PACRG: variants seen among roughly 807,000 people sequenced by gnomAD.
PACRG encodes parkin coregulated, also known as parkin coregulated gene protein.
PACRG carries 29 observed loss-of-function variants against 29.7 expected under a neutral mutation model. The ratio of observed to expected loss-of-function variants is 0.98; its 90% CI spans 0.73 to 1.33. The LOEUF (loss-of-function observed/expected upper bound fraction) is 1.33, where lower values mean the gene tolerates loss of function less well. Among genes scored for constraint, PACRG ranks in the 40% most tolerant of loss-of-function variants. PACRG has a pLI of 0.00. For synonymous variants in PACRG, 116 were observed against 118.7 expected (o/e 0.98, Z 0.15); for missense variants, 279 against 316.2 (o/e 0.88, Z 0.89).
chr6:162,927,931 T>A (rs1246324121), intron 2 of PACRG, among the ~76,000 whole-genome samples: 1 of 152,110 alleles, frequency 6.6e-6, no homozygotes, highest in Non-Finnish European at 1.5e-5. Flanking sequence ...AGTATTTTGT[T>A]GATGAATTTA....
chr6:162,934,468 A>G (rs1798095010), intron 2 of PACRG, among the ~76,000 whole-genome samples: 1 of 152,128 alleles, frequency 6.6e-6, no homozygotes, highest in South Asian at 2.1e-4. Flanking sequence ...TCTCTTTCAG[A>G]AAGTCTGTTT....
At chr6:163,054,915 G>A (rs1216605698) in intron 2 of PACRG, among the ~76,000 whole-genome samples, 3 of 152,166 alleles carry the variant, frequency 2.0e-5, no homozygotes, top group African/African-American at 4.8e-5. Context: ...CAGAACCAGC[G>A]AGGTCAGGCC....
intron 4 of PACRG, among the ~76,000 whole-genome samples, chr6:163,308,529 C>T (rs1785277386): frequency 6.6e-6 from 1 of 151,938 alleles, no homozygotes; most frequent in Admixed American, 6.6e-5. Context: ...AGCTGGGCAT[C>T]GTGATGCACA....
chr6:162,903,891 C>G (rs996388246), intron 2 of PACRG, among the ~76,000 whole-genome samples: 20 of 152,158 alleles, frequency 1.3e-4, no homozygotes, highest in African/African-American at 4.1e-4. Context: ...TCCAGAGAAA[C>G]AGAACCAATA....
intron 2 of PACRG, among the ~76,000 whole-genome samples, chr6:162,962,459 G>T (rs1184370734): frequency 6.6e-6 from 1 of 152,190 alleles, no homozygotes; most frequent in East Asian, 1.9e-4. Context: ...ACACCTTGAA[G>T]CCCCAAACCC....
chr6:162,851,031 A>G (rs1790812864), intron 2 of PACRG, among the ~76,000 whole-genome samples: 1 of 152,164 alleles, frequency 6.6e-6, no homozygotes, highest in African/African-American at 2.4e-5. Context: ...TGGTGGGGAA[A>G]TCCCCCACAC....
intron 4 of PACRG, among the ~76,000 whole-genome samples, chr6:163,291,756 C>A (rs1784618309): frequency 6.6e-6 from 1 of 152,158 alleles, no homozygotes; most frequent in East Asian, 1.9e-4. Flanking sequence ...GATCAAGGCA[C>A]CTTCACAGAT....
intron 4 of PACRG, among the ~76,000 whole-genome samples, chr6:163,154,321 G>A (rs1778226903): frequency 6.6e-6 from 1 of 152,238 alleles, no homozygotes; most frequent in South Asian, 2.1e-4. Context: ...GGAATGATGA[G>A]GAAAATGGCC....
chr6:162,765,192 A>C (rs1040287212), intron 1 of PACRG, among the ~76,000 whole-genome samples: 4 of 151,988 alleles, frequency 2.6e-5, no homozygotes, highest in African/African-American at 9.7e-5. Flanking sequence ...CCTGAATATT[A>C]GTCCTATCTG....
intron 4 of PACRG, among the ~76,000 whole-genome samples, chr6:163,192,577 T>C (rs1001490): frequency 0.074 from 11,239 of 152,268 alleles, 1,278 homozygotes; most frequent in African/African-American, 0.25. Context: ...TCTATTGCCT[T>C]ATTTTTAAAC....
chr6:163,197,133 C>T (rs924635287), intron 4 of PACRG, among the ~76,000 whole-genome samples: 1 of 151,952 alleles, frequency 6.6e-6, no homozygotes, highest in Non-Finnish European at 1.5e-5. Context: ...CTTTTTTCTG[C>T]CAGGAAAAAA....
intron 2 of PACRG, among the ~76,000 whole-genome samples, chr6:162,854,817 G>T (rs1791233731): frequency 6.6e-6 from 1 of 152,194 alleles, no homozygotes; most frequent in South Asian, 2.1e-4. Context: ...GCCCCACTTC[G>T]CTGGTTTTAG....
intron 2 of PACRG, among the ~76,000 whole-genome samples, chr6:162,894,346 A>G (rs7770378): frequency 0.18 from 27,543 of 152,224 alleles, 2,529 homozygotes; most frequent in Middle Eastern, 0.21. Context: ...TCTCTAAAAA[A>G]TTATAGTTTG....
chr6:163,067,090 G>A (rs1299000570), intron 3 of PACRG, among the ~76,000 whole-genome samples: 1 of 152,194 alleles, frequency 6.6e-6, no homozygotes, highest in Non-Finnish European at 1.5e-5. Flanking sequence ...CCTGACCTTT[G>A]ACTTTAAGAT....
intron 4 of PACRG, among the ~76,000 whole-genome samples, chr6:163,257,447 G>A (rs1333465831): frequency 2.0e-5 from 3 of 152,166 alleles, no homozygotes; most frequent in Admixed American, 6.5e-5. Context: ...GACTAATTAC[G>A]TAAGACACAG....
At chr6:162,829,820 C>T (rs1485986535) in intron 2 of PACRG, among the ~76,000 whole-genome samples, 1 of 152,120 alleles carries the variant, frequency 6.6e-6, no homozygotes, top group Non-Finnish European at 1.5e-5. Context: ...GAACTTCCTG[C>T]TTCTTCCATT....
chr6:162,811,532 A>G (rs1277556383), intron 1 of PACRG, among the ~76,000 whole-genome samples: 1 of 152,198 alleles, frequency 6.6e-6, no homozygotes, highest in Non-Finnish European at 1.5e-5. Context: ...TAAAAATCAC[A>G]GAAGCATATT....
intron 4 of PACRG, among the ~76,000 whole-genome samples, chr6:163,180,413 T>G (rs924199987): frequency 6.6e-6 from 1 of 152,186 alleles, no homozygotes; most frequent in South Asian, 2.1e-4. Flanking sequence ...GCATAGGTTG[T>G]TACATAGATT....
intron 2 of PACRG, among the ~76,000 whole-genome samples, chr6:162,881,223 C>G (rs770193288): frequency 1.2e-4 from 19 of 152,146 alleles, no homozygotes; most frequent in African/African-American, 4.3e-4. Flanking sequence ...GAGCCTTACT[C>G]CAGGGGCTGC....
Sources: allele counts gnomAD v4.1 joint callset (sites outside exome capture counted in the v4.1 genomes callset), GRCh38; gene constraint gnomAD v4.1.1; transcripts MANE v1.5; gene names NCBI Gene and HGNC (gene_info 2026-07-23, HGNC 2026-07-21).